The following DOCK3 variants were observed in gnomAD, a reference collection of about 807,000 sequenced individuals.
The protein encoded by DOCK3 is dedicator of cytokinesis protein 3.
Under a neutral mutation model 265.6 loss-of-function variants are expected in DOCK3, and 60 were observed. The observed-to-expected ratio is 0.23, with a 90% CI of 0.18 to 0.28. The LOEUF (loss-of-function observed/expected upper bound fraction) is 0.28, where lower values mean the gene tolerates loss of function less well. Ranked by LOEUF, DOCK3 falls within the 10% of genes least tolerant of loss-of-function variation. The pLI, the probability that DOCK3 is intolerant of heterozygous loss-of-function variation, is 1.00. For synonymous variants in DOCK3, 881 were observed against 938.0 expected (o/e 0.94, Z 1.11); for missense variants, 1,981 against 2,594.3 (o/e 0.76, Z 5.14).
At chr3:50,776,093 A>T (rs2041580023) in intron 1 of DOCK3, among the ~76,000 whole-genome samples, 1 of 152,000 alleles carries the variant, frequency 6.6e-6, no homozygotes, top group Admixed American at 6.6e-5. Flanking sequence ...TTTTCCTTTG[A>T]GTGGATACCC....
intron 10 of DOCK3, among the ~76,000 whole-genome samples, chr3:51,153,217 C>G (rs2085693002): frequency 6.6e-6 from 1 of 152,230 alleles, no homozygotes; most frequent in Non-Finnish European, 1.5e-5. Context: ...GCAGGTGCCC[C>G]TTGCCCGCTA....
At chr3:50,791,512 G>C (rs148369303) in intron 2 of DOCK3, among the ~76,000 whole-genome samples, 1 of 152,156 alleles carries the variant, frequency 6.6e-6, no homozygotes, top group East Asian at 1.9e-4. Context: ...GACCTCAGGT[G>C]ATCCACCCGC....
At chr3:51,357,518 G>A (rs2086445378) in intron 44 of DOCK3, among the ~76,000 whole-genome samples, 1 of 152,156 alleles carries the variant, frequency 6.6e-6, no homozygotes, top group African/African-American at 2.4e-5. Flanking sequence ...GGCCATCCAG[G>A]CTCCATGAGG....
At chr3:50,801,724 T>G (rs947793495) in intron 2 of DOCK3, among the ~76,000 whole-genome samples, 1 of 152,206 alleles carries the variant, frequency 6.6e-6, no homozygotes, top group Non-Finnish European at 1.5e-5. Context: ...ATTTGGTCTG[T>G]GGTGCAGTTT....
At chr3:51,202,066 A>G (rs1404085525) in intron 12 of DOCK3, among the ~76,000 whole-genome samples, 2 of 152,098 alleles carry the variant, frequency 1.3e-5, no homozygotes, top group African/African-American at 4.8e-5. Flanking sequence ...CACAAAAGAA[A>G]GCAGGAAAGA....
At chr3:51,154,611 A>G (rs2085754662) in intron 10 of DOCK3, among the ~76,000 whole-genome samples, 1 of 152,134 alleles carries the variant, frequency 6.6e-6, no homozygotes, top group Admixed American at 6.5e-5. Context: ...CTAAATTCTG[A>G]TTCTCTGATA....
At chr3:51,097,406 G>A (rs2082901398) in intron 9 of DOCK3, among the ~76,000 whole-genome samples, 1 of 152,218 alleles carries the variant, frequency 6.6e-6, no homozygotes, top group Admixed American at 6.5e-5. Flanking sequence ...TTTACATTGT[G>A]ACAGGAAAAC....
chr3:51,381,604 C>A lies in DOCK3; in HGVS notation c.*45C>A, dbSNP rs782298313. 6.9e-7 allele frequency: 1 copy of A among 1,456,048 alleles called. No homozygotes were observed. The highest frequency in any genetic ancestry group is 9.0e-7 in the Non-Finnish European group (1 of 1,110,154). 90.2% of individuals were successfully genotyped at this position (1,456,048 alleles called of 1,614,324 possible). ...GATGCCGCCCTCAGTAAGCAGCTTG[C>A]CAATCACTCCAGGTCTGAAAAGCAA... On this transcript the variant is annotated 3_prime_UTR_variant, in exon 53 of 53. Coordinates refer to ENST00000266037, the MANE Select transcript of DOCK3 (RefSeq NM_004947.5). The surrounding 1 kb of genome is among the most constrained non-coding windows in gnomAD (Gnocchi z 5.6).
At chr3:51,005,859 C>T (rs1186559792) in intron 5 of DOCK3, among the ~76,000 whole-genome samples, 1 of 152,164 alleles carries the variant, frequency 6.6e-6, no homozygotes, top group Non-Finnish European at 1.5e-5. Flanking sequence ...CACCAGATGT[C>T]ATTCTTTTGC....
At chr3:51,243,906 C>A (rs1051645822) in intron 21 of DOCK3, among the ~76,000 whole-genome samples, 4 of 152,080 alleles carry the variant, frequency 2.6e-5, no homozygotes, top group African/African-American at 9.7e-5. Context: ...TGACTTCATT[C>A]TTTTTGCATG....
intron 4 of DOCK3, among the ~76,000 whole-genome samples, chr3:50,932,885 T>A (rs950741437): frequency 6.6e-6 from 1 of 152,238 alleles, no homozygotes; most frequent in African/African-American, 2.4e-5. Flanking sequence ...GTTCTCATGC[T>A]GCTAATAAAG....
chr3:51,128,533 G>C (rs188506260), intron 9 of DOCK3, among the ~76,000 whole-genome samples: 5 of 152,278 alleles, frequency 3.3e-5, no homozygotes, highest in African/African-American at 1.2e-4. Context: ...ATACCATGAC[G>C]GTGGATGAGG....
intron 2 of DOCK3, among the ~76,000 whole-genome samples, chr3:50,797,417 G>C (rs987308606): frequency 6.6e-6 from 1 of 152,236 alleles, no homozygotes; most frequent in African/African-American, 2.4e-5. Context: ...TTTGTGCCCT[G>C]CAAGGCTCTG....
At chr3:51,001,868 T>G (rs187700497) in intron 5 of DOCK3, among the ~76,000 whole-genome samples, 41 of 152,292 alleles carry the variant, frequency 2.7e-4, no homozygotes, top group African/African-American at 9.1e-4. Context: ...ATTGTTTTAA[T>G]TTAATTTCAC....
chr3:51,059,387 C>T (rs1397425084), intron 5 of DOCK3, among the ~76,000 whole-genome samples: 1 of 151,742 alleles, frequency 6.6e-6, no homozygotes. Context: ...GACCATAGCA[C>T]ACATGTACAT....
rs562207913 is a variant in DOCK3 at position 51,353,684 on chromosome 3, A to G, written c.4108-1198A>G. Among the ~76,000 whole-genome samples the G allele has an allele frequency of 3.9e-5, 6 of 152,370 alleles. No individual in the cohort carries two copies. The South Asian group carries it at 1.0e-3, about 26-fold the overall frequency. ...GTTCTCCCATAGTGAGAGAGGAAGT[A>G]AAAATGAGACAGAAATCCTATTTCA... On this transcript the variant is annotated intron_variant, in intron 40 of 52. Transcript: ENST00000266037.
chr3:51,013,426 G>A (rs569323745), intron 5 of DOCK3, among the ~76,000 whole-genome samples: 1 of 152,290 alleles, frequency 6.6e-6, no homozygotes, highest in African/African-American at 2.4e-5. Context: ...CAGGTCTGTT[G>A]GAGTTTTTTG....
chr3:51,282,478 A>T (rs1261510338), intron 27 of DOCK3, among the ~76,000 whole-genome samples: 1 of 151,608 alleles, frequency 6.6e-6, no homozygotes, highest in African/African-American at 2.4e-5. Flanking sequence ...ACATAGAGAA[A>T]CCCTGTCTCT....
At chr3:50,952,623 A>G (rs551014696) in intron 5 of DOCK3, among the ~76,000 whole-genome samples, 3 of 152,226 alleles carry the variant, frequency 2.0e-5, no homozygotes, top group South Asian at 2.1e-4. Flanking sequence ...CCTTGTCACA[A>G]CTTCCACCCA....
Sources: gnomAD v4.1 joint callset for allele counts (sites outside exome capture counted in the v4.1 genomes callset) on GRCh38, gnomAD v4.1.1 for gene constraint, Gnocchi (gnomAD v3.1) non-coding constraint, MANE v1.5 for transcripts, NCBI Gene and HGNC (gene_info 2026-07-23, HGNC 2026-07-21) for gene names.